Variants in DLG2 observed in about 807,000 individuals in gnomAD.
The protein encoded by DLG2 is disks large homolog 2.
DLG2 carries 45 observed loss-of-function variants against 132.5 expected under a neutral mutation model. That is an observed-to-expected ratio of 0.34 (90% CI 0.27 to 0.44). The LOEUF is 0.44. Ranked by LOEUF, DLG2 falls within the 20% of genes least tolerant of loss-of-function variation. DLG2 has a pLI of 1.00. For synonymous variants in DLG2, 424 were observed against 419.6 expected (o/e 1.01, Z -0.13); for missense variants, 1,045 against 1,196.9 (o/e 0.87, Z 1.87).
At chr11:85,503,821 A>G (rs1308180374) in intron 3 of DLG2, among the ~76,000 whole-genome samples, 2 of 152,116 alleles carry the variant, frequency 1.3e-5, no homozygotes, top group Non-Finnish European at 2.9e-5. Context: ...AGTCCCAGCT[A>G]TTCAGGAGGC....
chr11:84,350,188 A>ACCC (rs1432583055), intron 7 of DLG2, among the ~76,000 whole-genome samples: 3 of 147,206 alleles, frequency 2.0e-5, no homozygotes, highest in South Asian at 2.4e-4. Context: ...CCCCCCCAAA[A>ACCC]AAAAAAAAAA....
intron 16 of DLG2, among the ~76,000 whole-genome samples, chr11:83,873,923 C>T (rs144420044): frequency 8.9e-4 from 136 of 152,254 alleles, no homozygotes; most frequent in African/African-American, 3.1e-3. Flanking sequence ...GAGTGTAATG[C>T]TTACACTGTA....
At chr11:85,571,546 C>A (rs1042578656) in intron 3 of DLG2, among the ~76,000 whole-genome samples, 2 of 152,204 alleles carry the variant, frequency 1.3e-5, no homozygotes, top group African/African-American at 2.4e-5. Context: ...TCTGCAGAGG[C>A]TCAAAGTCAG....
At chr11:84,462,501 C>T (rs919650505) in intron 7 of DLG2, among the ~76,000 whole-genome samples, 1 of 151,030 alleles carries the variant, frequency 6.6e-6, no homozygotes, top group African/African-American at 2.4e-5. Flanking sequence ...GCCTCTACTA[C>T]TAAAATACTT....
At chr11:85,249,753 C>T (rs979830906) in intron 4 of DLG2, among the ~76,000 whole-genome samples, 1 of 152,074 alleles carries the variant, frequency 6.6e-6, no homozygotes, top group Non-Finnish European at 1.5e-5. Flanking sequence ...AATCCAAAAT[C>T]AAATCTGGAG....
intron 18 of DLG2, among the ~76,000 whole-genome samples, chr11:83,658,225 C>T (rs1042279995): frequency 6.6e-6 from 1 of 152,116 alleles, no homozygotes; most frequent in Non-Finnish European, 1.5e-5. Flanking sequence ...ATCTAATGGG[C>T]TTTTTGAAAA....
rs560970794 is a variant in DLG2, at chr11:83,865,824, C to T, written c.1565+8596G>A. On this transcript the variant is annotated intron_variant, in intron 16 of 27. Transcript: ENST00000376104. ...AGCCTCTTAGGAGGAGACAGTGAGT[C>T]AACCATGAGTCAGCCTCCTTATTAT... is the stretch of plus-strand genomic sequence containing the variant. Among the ~76,000 whole-genome samples the T allele has an allele frequency of 3.9e-5, 6 of 152,292 alleles. No individual in the cohort carries two copies. The East Asian group carries it at 9.7e-4, about 24-fold the overall frequency.
intron 7 of DLG2, among the ~76,000 whole-genome samples, chr11:84,488,673 C>G (rs1199693666): frequency 1.3e-5 from 2 of 152,066 alleles, no homozygotes; most frequent in Admixed American, 1.3e-4. Context: ...GGGCTAGAAT[C>G]CAAAGGAGTG....
intron 19 of DLG2, among the ~76,000 whole-genome samples, chr11:83,608,659 T>A (rs1222994276): frequency 6.6e-6 from 1 of 151,786 alleles, no homozygotes; most frequent in African/African-American, 2.4e-5. Context: ...TGTCAAGCCA[T>A]CATAAATCAG....
At chr11:85,448,429 A>G (rs950120605) in intron 3 of DLG2, among the ~76,000 whole-genome samples, 1 of 152,156 alleles carries the variant, frequency 6.6e-6, no homozygotes, top group Non-Finnish European at 1.5e-5. Flanking sequence ...CTGCCCTGAC[A>G]TTCATCAGGC....
In DLG2 at chr11:85,345,456, C is replaced by T. The variant is rs567907223; in HGVS notation, c.41-60091G>A. On this transcript the variant is annotated intron_variant, in intron 3 of 27. Coordinates refer to ENST00000376104, the MANE Select transcript of DLG2 (RefSeq NM_001142699.3). ...AGATGTCAGGTAGTACATAGTTTTA[C>T]ACATATTTTTTATTTTGAATTTCAC... 7.2e-5 allele frequency among the ~76,000 whole-genome samples: 11 copies of T among 152,182 alleles called. 1 individual carries two copies. The highest frequency in any genetic ancestry group is 2.7e-4 in the African/African-American group (11 of 41,492).
At chr11:84,049,701 A>G (rs533726606) in intron 11 of DLG2, among the ~76,000 whole-genome samples, 1 of 151,898 alleles carries the variant, frequency 6.6e-6, no homozygotes, top group Non-Finnish European at 1.5e-5. Context: ...CGGTTTCTTT[A>G]TCTCCTTAAT....
At chr11:85,161,142 A>G (rs926804619) in intron 4 of DLG2, among the ~76,000 whole-genome samples, 1 of 152,226 alleles carries the variant, frequency 6.6e-6, no homozygotes, top group South Asian at 2.1e-4. Flanking sequence ...AGATATTTGT[A>G]TCGCATGGGA....
At chr11:83,709,762 T>G (rs1433742448) in intron 18 of DLG2, among the ~76,000 whole-genome samples, 4 of 152,156 alleles carry the variant, frequency 2.6e-5, no homozygotes, top group African/African-American at 7.2e-5. Context: ...TATCTGGAAG[T>G]GATCCCCCCC....
chr11:84,734,749 A>G (rs899433017), intron 6 of DLG2, among the ~76,000 whole-genome samples: 6 of 152,164 alleles, frequency 3.9e-5, no homozygotes, highest in African/African-American at 1.2e-4. Context: ...GTTTTTGCCC[A>G]TTCAGCAAGA....
chr11:84,386,857 A>G (rs1029089859), intron 7 of DLG2, among the ~76,000 whole-genome samples: 2 of 151,706 alleles, frequency 1.3e-5, no homozygotes, highest in African/African-American at 4.9e-5. Context: ...GGCCTGAAAA[A>G]TATAGTACTT....
Position 83,543,124 on chromosome 11 carries a change from G to A in DLG2, c.1941-1266C>T, listed in dbSNP as rs146050416. Among the ~76,000 whole-genome samples, 107 of 152,174 alleles carry A rather than the reference G, an allele frequency of 7.0e-4. 2 individuals carry two copies. The highest frequency in any genetic ancestry group is 3.4e-3 in the Middle Eastern group (1 of 294). On this transcript the variant is annotated intron_variant, in intron 19 of 27. Transcript: ENST00000376104. ...CAGGAAAAGTATAATTAATTGCAACGTAGTCCCTTCTTTCATTAACACTGT... is the reference window on the plus strand; with the variant it reads ...CAGGAAAAGTATAATTAATTGCAACATAGTCCCTTCTTTCATTAACACTGT...
chr11:85,343,332 G>C (rs1288718912), intron 3 of DLG2, among the ~76,000 whole-genome samples: 10 of 152,170 alleles, frequency 6.6e-5, no homozygotes, highest in African/African-American at 2.4e-4. Context: ...CTACCAGAGT[G>C]ACACTGAGCT....
intron 6 of DLG2, among the ~76,000 whole-genome samples, chr11:84,758,072 G>A (rs2067131826): frequency 6.6e-6 from 1 of 152,334 alleles, no homozygotes; most frequent in South Asian, 2.1e-4. Context: ...GTTATCACTT[G>A]TAAATCTGAA....
Sources: gnomAD v4.1 joint callset for allele counts (sites outside exome capture counted in the v4.1 genomes callset) on GRCh38, gnomAD v4.1.1 for gene constraint, MANE v1.5 for transcripts, NCBI Gene and HGNC (gene_info 2026-07-23, HGNC 2026-07-21) for gene names.